Variants in BCORL1 observed in about 807,000 individuals in gnomAD.
BCORL1 encodes BCL-6 corepressor-like protein 1.
In BCORL1, 7 loss-of-function variants were observed where a neutral mutation model predicts 87.6. That is an observed-to-expected ratio of 0.08 (90% CI 0.05 to 0.15). The LOEUF is 0.15. Ranked by LOEUF, BCORL1 falls within the 10% of genes least tolerant of loss-of-function variation. The probability of loss-of-function intolerance (pLI) is 1.00; values close to 1 mark genes in which losing one functional copy is unlikely to be tolerated. For missense variants in BCORL1, 1,215 were observed against 1,499.7 expected, an observed-to-expected ratio of 0.81 and a Z score of 3.13; for synonymous variants, 591 against 634.4, an observed-to-expected ratio of 0.93 and a Z score of 1.03.
At chrX:129,989,607 A>C (rs1432838712) in intron 1 of BCORL1, among the ~76,000 whole-genome samples, 2 of 89,719 alleles carry the variant, frequency 2.2e-5, no homozygotes, top group African/African-American at 4.3e-5. Flanking sequence ...GCTGGGATTA[A>C]ACGTGCCCAC....
rs1927938054 is a variant in BCORL1, at chrX:130,000,202, T to G, written c.-44-4986T>G. On this transcript the variant is annotated intron_variant, in intron 1 of 13. Coordinates refer to ENST00000540052, the MANE Select transcript of BCORL1 (RefSeq NM_001379451.1). The stretch of plus-strand genomic sequence containing the variant: ...CTGGGAATACAGGCACCCGCCACCA[T>G]GCCCGGCTAATTTTTTGTAGAGATG... Among the ~76,000 whole-genome samples, 9 of 110,181 alleles carry G rather than the reference T, an allele frequency of 8.2e-5. No individual in the cohort carries two copies. In the South Asian group the frequency reaches 3.5e-3, roughly 43 times the overall value.
chrX:130,025,868 C>T (rs990865466), intron 7 of BCORL1, among the ~76,000 whole-genome samples: 1 of 110,867 alleles, frequency 9.0e-6, no homozygotes, highest in African/African-American at 3.3e-5. Context: ...TAGAAACGGG[C>T]ACAGCATTGC....
upstream of BCORL1, among the ~76,000 whole-genome samples, chrX:129,980,626 G>A (rs1165323653): frequency 8.9e-6 from 1 of 111,912 alleles, no homozygotes; most frequent in Non-Finnish European, 1.9e-5. Context: ...AGCGGGCCAG[G>A]CCAGCACCCA....
chrX:130,028,543 C>A, intron 7 of BCORL1, 92 bp from the exon 8 acceptor site: 1 of 800,703 alleles, frequency 1.2e-6, no homozygotes, highest in South Asian at 2.3e-5. Context: ...AGTTCTAATC[C>A]CCAAAGTCCT....
chrX:129,989,240 A>G (rs1926860104), intron 1 of BCORL1, among the ~76,000 whole-genome samples: 1 of 105,559 alleles, frequency 9.5e-6, no homozygotes, highest in Non-Finnish European at 1.9e-5. Context: ...GGTTCAAGCC[A>G]TTCTCCTGCC....
chrX:130,037,780 A>G (rs1931047571), intron 10 of BCORL1, among the ~76,000 whole-genome samples: 1 of 111,930 alleles, frequency 8.9e-6, no homozygotes, highest in South Asian at 3.8e-4. Flanking sequence ...AGTCCCAGCT[A>G]CTAAGGAGGC....
rs1376686324 is a variant in BCORL1 at position 130,025,342 on chromosome X, A to G, written c.4041A>G (p.Thr1347=). The change falls in exon 7 of 14, where the codon ACA becomes ACG. Residue 1347 remains threonine, a synonymous_variant. Coordinates refer to ENST00000540052, the MANE Select transcript of BCORL1 (RefSeq NM_001379451.1). ...SRKYQTGEYL[T]EQEDEQRRKG... ...AATATCAGACTGGGGAGTACCTGACAGAGCAAGAAGACGAGCAGCGGCGGA... is the reference window on the plus strand; with the variant it reads ...AATATCAGACTGGGGAGTACCTGACGGAGCAAGAAGACGAGCAGCGGCGGA... The G allele has an allele frequency of 8.6e-7, 1 of 1,156,651 alleles. No individual in the cohort carries two copies. Among genetic ancestry groups the G allele is most frequent in the African/African-American group, 1.8e-5 (1 of 55,099 alleles).
In BCORL1 at chrX:130,016,030, C is replaced by T. The variant is rs770844969; in HGVS notation, c.3258C>T (p.Ala1086=). 29 of 1,209,863 alleles carry T rather than the reference C, an allele frequency of 2.4e-5. No individual in the cohort carries two copies. Among genetic ancestry groups the T allele is most frequent in the East Asian group, 2.4e-4 (8 of 33,736 alleles). Residue 1086 remains alanine, a synonymous_variant, in exon 4 of 14, where the codon GCC becomes GCT. Coordinates refer to ENST00000540052, the MANE Select transcript of BCORL1 (RefSeq NM_001379451.1). ...GCCAAGCTGAAGTTCGGGCTAAGGC[C>T]GGGCAGGCTCGAGTGAAACAGGAAA... ...QRGQAEVRAK[A]GQARVKQESV...
At chrX:130,021,398 GC>G in intron 5 of BCORL1, 1 of 451,699 alleles carries the variant, frequency 2.2e-6, no homozygotes, top group Non-Finnish European at 2.8e-6. Flanking sequence ...CAAACACCAG[GC>G]CCACAACACA....
rs1462624802 is a variant in BCORL1 at position 130,014,430 on chromosome X, T to G, written c.1658T>G (p.Leu553Arg). The G allele has an allele frequency of 8.3e-7, 1 of 1,209,346 alleles. No individual in the cohort carries two copies. Among genetic ancestry groups the G allele is most frequent in the African/African-American group, 1.8e-5 (1 of 56,881 alleles). The change falls in exon 4 of 14, where the codon CTT (leucine) becomes CGT (arginine). Residue 553 changes from leucine to arginine, a missense_variant. By Grantham distance (102) the Leu-to-Arg change is moderately radical (BLOSUM62 -2). Transcript: ENST00000540052. ...CCTGGGCCTTTGGCAGATACCTCCCTTGTTACTGCTTCTGCCAAGGTGCTT... is the reference window on the plus strand; with the variant it reads ...CCTGGGCCTTTGGCAGATACCTCCCGTGTTACTGCTTCTGCCAAGGTGCTT... The part of the protein sequence containing the change: ...GVPGPLADTS[L>R]VTASAKVLPT...
intron 11 of BCORL1, among the ~76,000 whole-genome samples, chrX:130,048,656 T>C (rs1931896400): frequency 8.9e-6 from 1 of 112,363 alleles, no homozygotes; most frequent in Non-Finnish European, 1.9e-5. Flanking sequence ...TTTATTGTGG[T>C]CAAATACATA....
At chrX:130,002,351 C>T (rs945065510) in intron 1 of BCORL1, among the ~76,000 whole-genome samples, 1 of 108,187 alleles carries the variant, frequency 9.2e-6, no homozygotes, top group Admixed American at 1.0e-4. Flanking sequence ...CATCAAGGGG[C>T]GAGCTGAAAC....
At chrX:130,018,329 G>A (rs1929582706) in intron 4 of BCORL1, among the ~76,000 whole-genome samples, 2 of 111,842 alleles carry the variant, frequency 1.8e-5, no homozygotes, top group Admixed American at 1.9e-4. Context: ...AAGAGTTGGG[G>A]AGTGACTGTT....
chrX:130,007,511 C>T (rs1427944075), intron 2 of BCORL1, among the ~76,000 whole-genome samples: 3 of 112,497 alleles, frequency 2.7e-5, no homozygotes, highest in Non-Finnish European at 5.6e-5. Context: ...AAAAGACCAG[C>T]GGGGCCGGGT....
At chrX:129,993,835 C>T (rs1378712792) in intron 1 of BCORL1, among the ~76,000 whole-genome samples, 1 of 110,377 alleles carries the variant, frequency 9.1e-6, no homozygotes, top group Non-Finnish European at 1.9e-5. Context: ...GCTTTTGTAG[C>T]TCAGGTTGGT....
upstream of BCORL1, chrX:129,981,736 C>T (rs1926108177): frequency 1.9e-5 from 2 of 107,239 alleles, no homozygotes; most frequent in Admixed American, 9.9e-5. Context: ...ACTCGGGTCG[C>T]CCCCACCATT....
intron 1 of BCORL1, among the ~76,000 whole-genome samples, chrX:129,991,606 T>G (rs1927161500): frequency 9.3e-6 from 1 of 107,820 alleles, no homozygotes; most frequent in Non-Finnish European, 1.9e-5. Context: ...CTTCCCAAAG[T>G]GCTGGGATTA....
rs749379139 is a variant in BCORL1, at chrX:130,056,028, C to T, written c.5250C>T (p.Asp1750=). Residue 1750 remains aspartate, a synonymous_variant, in exon 14 of 14, where the codon GAC becomes GAT. Coordinates refer to ENST00000540052, the MANE Select transcript of BCORL1 (RefSeq NM_001379451.1). ...CTGCCGAGAGGCCTGGAGGCTTGGACGACAGATCCCCCCCAGGCTCCTCTG... is the reference window on the plus strand; with the variant it reads ...CTGCCGAGAGGCCTGGAGGCTTGGATGACAGATCCCCCCCAGGCTCCTCTG... ...LTPAERPGGL[D]DRSPPGSSET... 9 of 1,210,593 alleles carry T rather than the reference C, an allele frequency of 7.4e-6. No homozygotes were observed. The highest frequency in any genetic ancestry group is 3.5e-5 in the South Asian group (2 of 56,845).
At chrX:130,053,298 C>T (rs181734296) in intron 13 of BCORL1, among the ~76,000 whole-genome samples, 1 of 109,389 alleles carries the variant, frequency 9.1e-6, no homozygotes, top group African/African-American at 3.3e-5. Flanking sequence ...CCCTCCCCCC[C>T]ACCACCCCAC....
Sources: allele counts gnomAD v4.1 joint callset (sites outside exome capture counted in the v4.1 genomes callset), GRCh38; gene constraint gnomAD v4.1.1; transcripts MANE v1.5; gene names NCBI Gene and HGNC (gene_info 2026-07-23, HGNC 2026-07-21).